Variants in TAF4B observed in about 807,000 individuals in gnomAD.
TAF4B encodes the protein TATA-box binding protein associated factor 4b, also known as transcription initiation factor TFIID subunit 4B.
A neutral mutation model predicts 86.4 loss-of-function variants in TAF4B; 38 were observed. The observed-to-expected ratio is 0.44, with a 90% CI of 0.34 to 0.58. TAF4B has a LOEUF of 0.58. Ranked by LOEUF, TAF4B falls within the 20% of genes least tolerant of loss-of-function variation. The pLI is 0.02. For synonymous variants in TAF4B, 388 were observed against 391.2 expected, an observed-to-expected ratio of 0.99 and a Z score of 0.10; for missense variants, 988 against 1,027.6, an observed-to-expected ratio of 0.96 and a Z score of 0.53.
At chr18:26,314,160 A>G (rs1358296910) in intron 9 of TAF4B, among the ~76,000 whole-genome samples, 1 of 152,200 alleles carries the variant, frequency 6.6e-6, no homozygotes, top group Non-Finnish European at 1.5e-5. Context: ...TCCTATTGAC[A>G]AAAGACCATA....
At chr18:26,233,381 G>C (rs1258279402) in intron 1 of TAF4B, among the ~76,000 whole-genome samples, 1 of 152,174 alleles carries the variant, frequency 6.6e-6, no homozygotes, top group Non-Finnish European at 1.5e-5. Context: ...GAGGTGAATG[G>C]TCATGCAGGG....
At chr18:26,242,979 G>A (rs2055863547) in intron 1 of TAF4B, among the ~76,000 whole-genome samples, 1 of 152,178 alleles carries the variant, frequency 6.6e-6, no homozygotes, top group African/African-American at 2.4e-5. Context: ...GCTTCCCCTT[G>A]TAGGTAACCT....
chr18:26,250,458 C>T (rs886167131), intron 1 of TAF4B, among the ~76,000 whole-genome samples: 1 of 151,054 alleles, frequency 6.6e-6, no homozygotes, highest in African/African-American at 2.4e-5. Flanking sequence ...GATCACGCCA[C>T]TGCACTCCAG....
At chr18:26,302,801 T>G (rs1426559414) in intron 9 of TAF4B, among the ~76,000 whole-genome samples, 1 of 152,162 alleles carries the variant, frequency 6.6e-6, no homozygotes, top group African/African-American at 2.4e-5. Context: ...TAATTTGTCC[T>G]TCCTCAGTGA....
chr18:26,251,646 G>A (rs2056008230), intron 1 of TAF4B, among the ~76,000 whole-genome samples: 1 of 152,112 alleles, frequency 6.6e-6, no homozygotes, highest in Non-Finnish European at 1.5e-5. Flanking sequence ...AGAATAAACA[G>A]GCCATTCTTT....
At chr18:26,308,879 C>CAAAAAAAA (rs71169847) in intron 9 of TAF4B, among the ~76,000 whole-genome samples, 7 of 80,340 alleles carry the variant, frequency 8.7e-5, no homozygotes, top group African/African-American at 2.0e-4. Context: ...GACTCTGTCT[C>CAAAAAAAA]AAAAAAAAAA....
chr18:26,309,947 C>T (rs2144654913), intron 9 of TAF4B, among the ~76,000 whole-genome samples: 1 of 152,304 alleles, frequency 6.6e-6, no homozygotes, highest in South Asian at 2.1e-4. Context: ...GCCTCAGCCT[C>T]CCGAGTAGCT....
At chr18:26,284,797 A>C (rs939771840) in intron 6 of TAF4B, among the ~76,000 whole-genome samples, 2 of 152,122 alleles carry the variant, frequency 1.3e-5, no homozygotes, top group African/African-American at 4.8e-5. Context: ...TGAACTCAGG[A>C]GGCAGAGGTT....
chr18:26,326,621 ATTAC>A (rs1697048809), intron 11 of TAF4B, among the ~76,000 whole-genome samples: 1 of 152,170 alleles, frequency 6.6e-6, no homozygotes, highest in African/African-American at 2.4e-5. Flanking sequence ...CTAAGATTTA[ATTAC>A]TTATATTAAT....
At chr18:26,233,617 G>A (rs1311432439) in intron 1 of TAF4B, among the ~76,000 whole-genome samples, 2 of 152,176 alleles carry the variant, frequency 1.3e-5, no homozygotes, top group Non-Finnish European at 2.9e-5. Context: ...TGCATAAAGG[G>A]GCTTGGGAAG....
At chr18:26,243,809 A>G (rs906636019) in intron 1 of TAF4B, among the ~76,000 whole-genome samples, 3 of 151,758 alleles carry the variant, frequency 2.0e-5, no homozygotes, top group Admixed American at 6.6e-5. Context: ...AACAGTCAGG[A>G]CCCTCAGCTG....
chr18:26,334,979 ACTG>A, intron 12 of TAF4B, among the ~76,000 whole-genome samples, 193 bp from the exon 13 acceptor site: 1 of 152,164 alleles, frequency 6.6e-6, no homozygotes, highest in Admixed American at 6.5e-5. Context: ...CCAGGCTAGA[ACTG>A]CAGCAGCCAG....
At chr18:26,369,958 C>T (rs1402562982) in intron 14 of TAF4B, among the ~76,000 whole-genome samples, 1 of 152,162 alleles carries the variant, frequency 6.6e-6, no homozygotes, top group Non-Finnish European at 1.5e-5. Flanking sequence ...AATGATGATC[C>T]TGTCTCTAGT....
chr18:26,241,778 T>C (rs2055843587), intron 1 of TAF4B, among the ~76,000 whole-genome samples: 2 of 152,260 alleles, frequency 1.3e-5, no homozygotes, highest in Admixed American at 1.3e-4. Flanking sequence ...GATTCTGGTA[T>C]GTTGTGTCTT....
intron 10 of TAF4B, among the ~76,000 whole-genome samples, chr18:26,318,421 A>G (rs1419668918): frequency 2.0e-5 from 3 of 151,710 alleles, no homozygotes; most frequent in Non-Finnish European, 4.4e-5. Context: ...AATGCTTTCC[A>G]TTTATAATAA....
chr18:26,231,344 G>GTTTTTT lies in TAF4B; in HGVS notation c.343+4068_343+4069insTTTTTT, dbSNP rs1260610897. On this transcript the variant is annotated intron_variant, in intron 1 of 14. Transcript: ENST00000269142. ...AGATGTGAGCCACCCAGCTGCTTGG[G>GTTTTTT]GTTTTTTTTTTTTTTTTTTTTTTTT... Among the ~76,000 whole-genome samples, 244 of 60,824 alleles carry GTTTTTT rather than the reference G, an allele frequency of 4.0e-3. 26 individuals carry two copies. Among genetic ancestry groups the GTTTTTT allele is most frequent in the Middle Eastern group, 0.031 (1 of 32 alleles). The allele number at this position is 60,824 out of a possible 152,430, so 39.9% of individuals were successfully genotyped here.
At chr18:26,345,259 A>T (rs751896268) in intron 13 of TAF4B, among the ~76,000 whole-genome samples, 50 of 152,176 alleles carry the variant, frequency 3.3e-4, no homozygotes, top group Admixed American at 1.5e-3. Flanking sequence ...GTGAGCCCAC[A>T]TCTCGGGCCT....
rs747931864 is a variant in TAF4B at position 26,286,439 on chromosome 18, G to T, written c.1530G>T (p.Gln510His). The T allele has an allele frequency of 1.2e-6, 2 of 1,614,102 alleles. No individual in the cohort carries two copies. The highest frequency in any genetic ancestry group is 1.7e-6 in the Non-Finnish European group (2 of 1,180,020). ...IGTPVQIKLA[Q>H]PGPVLSQPAG... ...CTCCAGTTCAAATCAAACTTGCCCAGCCGGGCCCTGTCCTTTCACAACCAG... is the reference window on the plus strand; with the variant it reads ...CTCCAGTTCAAATCAAACTTGCCCATCCGGGCCCTGTCCTTTCACAACCAG... Residue 510 changes from glutamine to histidine, a missense_variant, in exon 7 of 15, where the codon CAG becomes CAT. Gln to His is a conservative substitution (Grantham distance 24). This residue lies in a region of TAF4B where 747 missense variants were observed against 737.9 expected (regional missense o/e 1.01). Transcript: ENST00000269142.
chr18:26,310,655 AT>A (rs1462032528), intron 9 of TAF4B, among the ~76,000 whole-genome samples: 1 of 152,352 alleles, frequency 6.6e-6, no homozygotes, highest in African/African-American at 2.4e-5. Context: ...TTAAAAACTC[AT>A]TTATTTGAGT....
Sources: allele counts gnomAD v4.1 joint callset (sites outside exome capture counted in the v4.1 genomes callset), GRCh38; gene constraint gnomAD v4.1.1; regional missense constraint gnomAD v4.1.1; transcripts MANE v1.5; gene names NCBI Gene and HGNC (gene_info 2026-07-23, HGNC 2026-07-21).